MUC5AC: variants seen among roughly 807,000 people sequenced by gnomAD.
MUC5AC encodes the protein mucin 5AC, oligomeric mucus/gel-forming.
A neutral mutation model predicts 169.7 loss-of-function variants in MUC5AC; 158 were observed. The ratio of observed to expected loss-of-function variants is 0.93; its 90% confidence interval spans 0.82 to 1.06. The LOEUF is 1.06. Among genes scored for constraint, MUC5AC ranks in the 50% least tolerant of loss-of-function variants. The probability of loss-of-function intolerance (pLI) is 0.00; values close to 1 mark genes in which losing one functional copy is unlikely to be tolerated. For synonymous variants in MUC5AC, 1,975 were observed against 1,237.0 expected, an observed-to-expected ratio of 1.60 and a Z score of -12.52; for missense variants, 4,359 against 3,089.9, an observed-to-expected ratio of 1.41 and a Z score of -9.74.
chr11:1,195,233 C>T lies in MUC5AC; in HGVS notation c.15412C>T (p.Pro5138Ser), dbSNP rs753569533. Residue 5138 changes from proline (P) to serine (S), a missense_variant, in exon 36 of 49, where the codon CCT (proline) becomes TCT (serine). Physicochemically the swap from Pro to Ser is moderately conservative, Grantham distance 74. Coordinates refer to ENST00000621226, the MANE Select transcript of MUC5AC (RefSeq NM_001304359.2). The stretch of plus-strand genomic sequence containing the variant: ...TACCACGGTCGGGCCCACCACACCG[C>T]CTGCTCCGTGCCTGCCATCACCCAT... ...GSTTVGPTTP[P>S]APCLPSPICQ... 5.3e-6 allele frequency: 4 copies of T among 760,142 alleles called. No homozygotes were observed. The highest frequency in any genetic ancestry group is 2.4e-6 in the Non-Finnish European group (1 of 416,226). 47.1% of individuals were successfully genotyped at this position (760,142 alleles called of 1,614,324 possible). A position where few individuals can be genotyped will look rare whatever the true frequency, so the allele number is the denominator to read the frequency against.
Position 1,194,248 on chromosome 11 carries a change from A to G in MUC5AC, c.14894A>G (p.Tyr4965Cys), listed in dbSNP as rs758280747. ...CACTTCCGCGTGCTCGTCGACAACT[A>G]CTTCTGCGGTGCGGAGGACGGGCTC... ...YGHFRVLVDN[Y>C]FCGAEDGLSC... The change falls in exon 34 of 49, where the codon TAC (tyrosine) becomes TGC (cysteine). Residue 4965 changes from tyrosine (Y) to cysteine (C), a missense_variant. Physicochemically the swap from Tyr to Cys is radical, Grantham distance 194. Transcript: ENST00000621226. The G allele has an allele frequency of 2.6e-6, 2 of 764,654 alleles. No individual in the cohort carries two copies. The highest frequency in any genetic ancestry group is 2.4e-5 in the East Asian group (1 of 41,220). The allele number at this position is 764,654 out of a possible 1,614,324, so 47.4% of individuals were successfully genotyped here.
At chr11:1,197,709 T>G (rs1861314350) in intron 41 of MUC5AC, 70 bp downstream of exon 41, 1 of 641,360 alleles carries the variant, frequency 1.6e-6, no homozygotes. Context: ...GGCCCGGACT[T>G]TGCTGCTGCC....
At chr11:1,162,189 G>A in intron 4 of MUC5AC, 21 bp downstream of exon 4, 1 of 1,603,034 alleles carries the variant, frequency 6.2e-7, no homozygotes, top group Non-Finnish European at 8.5e-7. Context: ...GTTCTGGGAT[G>A]GTGGGGGCCA....
chr11:1,164,193 C>T lies in MUC5AC; in HGVS notation c.877C>T (p.Gln293Ter), dbSNP rs900551518. The T allele has an allele frequency of 5.6e-6, 9 of 1,612,586 alleles. No individual in the cohort carries two copies. The highest frequency in any genetic ancestry group is 7.6e-6 in the Non-Finnish European group (9 of 1,179,862). Residue 293 changes from glutamine to a stop codon, truncating the protein, a stop_gained, in exon 8 of 49, where the codon CAA (glutamine) becomes TAA (stop). Coordinates refer to ENST00000621226, the MANE Select transcript of MUC5AC (RefSeq NM_001304359.2). LOFTEE classifies it high-confidence loss of function. ...DVGSYLEACR[Q>*]DLCFCEDTDL... ...CGGCAGCTACCTGGAGGCTTGCAGG[C>T]AAGACCTCTGCTTCTGTGAAGACAC...
At position 1,186,062 on chromosome 11, in the gene MUC5AC, T is replaced by C; in HGVS notation, c.7917T>C (p.Val2639=). 1.4e-6 allele frequency: 1 copy of C among 736,922 alleles called. No individual in the cohort carries two copies. Among genetic ancestry groups the C allele is most frequent in the Non-Finnish European group, 2.5e-6 (1 of 405,200 alleles). The allele number at this position is 736,922 out of a possible 1,614,324, so 45.6% of individuals were successfully genotyped here. Residue 2639 remains valine (V), a synonymous_variant, in exon 31 of 49, where the codon GTT becomes GTC. Transcript: ENST00000621226. ...GTCCTGAAACTACTCCCAGCCCTGT[T>C]CCTACCGCCAGCACAACCTCTGCTT... The part of the protein sequence containing the change: ...ISGPETTPSP[V]PTASTTSAST...
chr11:1,193,730 G>A, intron 33 of MUC5AC, 71 bp downstream of exon 33: 1 of 736,068 alleles, frequency 1.4e-6, no homozygotes, highest in Non-Finnish European at 2.5e-6. Flanking sequence ...AAATGGGCGG[G>A]GCAGAGGAGG....
intron 9 of MUC5AC, 76 bp downstream of exon 9, chr11:1,164,608 GGAA>G: frequency 6.7e-7 from 1 of 1,501,140 alleles, no homozygotes; most frequent in South Asian, 1.3e-5. Flanking sequence ...GCCAAGCCTC[GGAA>G]GAAGGACCCC....
rs1861415318 is a variant in MUC5AC at position 1,200,947 on chromosome 11, C to T, written c.*245C>T. 1.5e-5 allele frequency: 6 copies of T among 396,746 alleles called. No homozygotes were observed. The East Asian group carries it at 2.3e-4, about 15-fold the overall frequency. The allele number at this position is 396,746 out of a possible 1,614,324, so 24.6% of individuals were successfully genotyped here. ...CCCGGGGCTGGCCGAGCTCCTCTGGCCATGCATCCAGCCTGCTGTTCTGGG... is the reference window on the plus strand; with the variant it reads ...CCCGGGGCTGGCCGAGCTCCTCTGGTCATGCATCCAGCCTGCTGTTCTGGG... On this transcript the variant is annotated 3_prime_UTR_variant, in exon 49 of 49. Coordinates refer to ENST00000621226, the MANE Select transcript of MUC5AC (RefSeq NM_001304359.2).
chr11:1,196,017 C>A lies in MUC5AC; in HGVS notation c.15600C>A (p.Ile5200=). 1.3e-6 allele frequency: 1 copy of A among 764,888 alleles called. No homozygotes were observed. The highest frequency in any genetic ancestry group is 1.3e-5 in the South Asian group (1 of 74,616). 47.4% of individuals were successfully genotyped at this position (764,888 alleles called of 1,614,324 possible). ...LYAALCASHD[I]CIDWRGRTGH... ...CGGCACTCTGTGCGTCCCACGACAT[C>A]TGCATCGATTGGAGAGGCCGGACCG... Residue 5200 remains isoleucine, a synonymous_variant, in exon 37 of 49, where the codon ATC becomes ATA. Transcript: ENST00000621226.
rs1193424991 is a variant in MUC5AC, at chr11:1,199,358, G to A, written c.16396-13G>A. The A allele has an allele frequency of 1.4e-6, 1 of 707,594 alleles. No individual in the cohort carries two copies. The highest frequency in any genetic ancestry group is 2.6e-6 in the Non-Finnish European group (1 of 388,126). 43.8% of individuals were successfully genotyped at this position (707,594 alleles called of 1,614,324 possible). A position where few individuals can be genotyped will look rare whatever the true frequency, so the allele number is the denominator to read the frequency against. ...GGGAGGGTCACTCACCCCGGGGCCTGGCCTCCCTCCAGCCCGGCGAGACCT... is the reference window on the plus strand; with the variant it reads ...GGGAGGGTCACTCACCCCGGGGCCTAGCCTCCCTCCAGCCCGGCGAGACCT... On this transcript the variant is annotated splice_polypyrimidine_tract_variant and intron_variant, in intron 45 of 48. Transcript: ENST00000621226.
Position 1,177,815 on chromosome 11 carries a change from G to T in MUC5AC, c.3087+182G>T, listed in dbSNP as rs1011356246. 7.2e-4 allele frequency among the ~76,000 whole-genome samples: 109 copies of T among 152,328 alleles called. 1 individual carries two copies. The highest frequency in any genetic ancestry group is 1.2e-3 in the South Asian group (6 of 4,828). On this transcript the variant is annotated intron_variant, in intron 24 of 48. Transcript: ENST00000621226. ...CAGCGGGTCAGGAGACTCCTTGGCT[G>T]GGTGTCAGTGTTCTGGGGCTAGAGC...
At chr11:1,196,935 G>T (rs768462972) in intron 40 of MUC5AC, 27 bp downstream of exon 40, 2 of 759,004 alleles carry the variant, frequency 2.6e-6, no homozygotes, top group East Asian at 4.9e-5. Flanking sequence ...GCCCAAGAGG[G>T]CACTGGGGTC....
At chr11:1,166,335 C>A (rs28513455) in intron 11 of MUC5AC, among the ~76,000 whole-genome samples, 15,679 of 130,688 alleles carry the variant, frequency 0.12, 1,569 homozygotes, top group Non-Finnish European at 0.15. Context: ...ACCCTGCACC[C>A]AACACACAGT....
intron 1 of MUC5AC, among the ~76,000 whole-genome samples, chr11:1,158,463 C>T (rs1312200677): frequency 6.6e-6 from 1 of 152,248 alleles, no homozygotes; most frequent in Non-Finnish European, 1.5e-5. Context: ...CCCTTGCACA[C>T]CCCACACATG....
chr11:1,172,262 C>T (rs1031853400), intron 15 of MUC5AC, among the ~76,000 whole-genome samples, 167 bp from the exon 16 acceptor site: 5 of 152,200 alleles, frequency 3.3e-5, no homozygotes, highest in Admixed American at 6.5e-5. Flanking sequence ...AGCTTTTCCT[C>T]GGGGAGGGCG....
In MUC5AC at chr11:1,162,011, G is replaced by A. The variant is rs371261781; in HGVS notation, c.316G>A (p.Val106Met). 7.9e-4 allele frequency: 1,274 copies of A among 1,612,542 alleles called. 34 individuals carry two copies. The East Asian group carries it at 0.026, about 33-fold the overall frequency. The part of the protein sequence containing the change: ...VFRFPGLCNY[V>M]FSEHCGAAYE... ...CCGCTTCCCCGGCCTCTGCAACTAC[G>A]TGTTCTCCGAGCACTGCGGTGCCGC... Residue 106 changes from valine (V) to methionine (M), a missense_variant, in exon 4 of 49, where the codon GTG becomes ATG. Coordinates refer to ENST00000621226, the MANE Select transcript of MUC5AC (RefSeq NM_001304359.2).
chr11:1,196,033 G>C lies in MUC5AC; in HGVS notation c.15616G>C (p.Gly5206Arg), dbSNP rs1321146687. Reference protein sequence around the residue: ...ASHDICIDWRGRTGHMCPFTC... With the variant: ...ASHDICIDWRRRTGHMCPFTC... ...CCACGACATCTGCATCGATTGGAGA[G>C]GCCGGACCGGCCACATGTGCCGTGA... Residue 5206 changes from glycine to arginine, a missense_variant, in exon 37 of 49, where the codon GGC becomes CGC. Coordinates refer to ENST00000621226, the MANE Select transcript of MUC5AC (RefSeq NM_001304359.2). The C allele has an allele frequency of 1.3e-6, 1 of 764,544 alleles. No homozygotes were observed. The highest frequency in any genetic ancestry group is 2.4e-6 in the Non-Finnish European group (1 of 417,650). 47.4% of individuals were successfully genotyped at this position (764,544 alleles called of 1,614,324 possible). A position where few individuals can be genotyped will look rare whatever the true frequency, so the allele number is the denominator to read the frequency against.
chr11:1,187,068 G>T lies in MUC5AC; in HGVS notation c.8923G>T (p.Gly2975Cys). ...TGCTTCTACAACCAGCACAACCTCTGGTCCTGGAACTACTCCCAGCCCTGT... is the reference window on the plus strand; with the variant it reads ...TGCTTCTACAACCAGCACAACCTCTTGTCCTGGAACTACTCCCAGCCCTGT... ...TSASTTSTTS[G>C]PGTTPSPVPT... The change falls in exon 31 of 49, where the codon GGT becomes TGT. Residue 2975 changes from glycine (G) to cysteine (C), a missense_variant. Transcript: ENST00000621226. The T allele has an allele frequency of 2.7e-6, 2 of 751,524 alleles. No homozygotes were observed. Among genetic ancestry groups the T allele is most frequent in the South Asian group, 2.8e-5 (2 of 72,586 alleles). 46.6% of individuals were successfully genotyped at this position (751,524 alleles called of 1,614,324 possible).
chr11:1,189,258 A>G lies in MUC5AC; in HGVS notation c.11113A>G (p.Thr3705Ala). Reference sequence around the variant, plus strand: ...AACCTCTGCTCCCACAACGAGCACAACTTCTGCCCCTACAACCAGCACAAC... The same window carrying G: ...AACCTCTGCTCCCACAACGAGCACAGCTTCTGCCCCTACAACCAGCACAAC... ...STTSAPTTST[T>A]SAPTTSTTST... The change falls in exon 31 of 49, where the codon ACT (threonine) becomes GCT (alanine). Residue 3705 changes from threonine (T) to alanine (A), a missense_variant. Transcript: ENST00000621226. The G allele has an allele frequency of 6.8e-6, 4 of 589,244 alleles. No individual in the cohort carries two copies. The highest frequency in any genetic ancestry group is 5.9e-5 in the Admixed American group (2 of 33,966). 36.5% of individuals were successfully genotyped at this position (589,244 alleles called of 1,614,324 possible).
Sources: gnomAD v4.1 joint callset for allele counts (sites outside exome capture counted in the v4.1 genomes callset) on GRCh38, gnomAD v4.1.1 for gene constraint, MANE v1.5 for transcripts, NCBI Gene and HGNC (gene_info 2026-07-23, HGNC 2026-07-21) for gene names.